Variants in RLN2 observed in about 807,000 individuals in gnomAD.
The protein encoded by RLN2 is relaxin 2, also known as prorelaxin H2.
In RLN2, 10 loss-of-function variants were observed where a neutral mutation model predicts 7.3. That is an observed-to-expected ratio of 1.36 (90% CI 0.84 to 2.31). The LOEUF (loss-of-function observed/expected upper bound fraction) is 2.31. Ranked by LOEUF, RLN2 falls within the 30% of genes most tolerant of loss-of-function variation. The probability of loss-of-function intolerance (pLI) is 0.00; values close to 1 mark genes in which losing one functional copy is unlikely to be tolerated. For synonymous variants in RLN2, 103 were observed against 82.3 expected (o/e 1.25, Z -1.36); for missense variants, 298 against 217.6 (o/e 1.37, Z -2.32).
At chr9:5,311,665 CG>C in the RLN2 span, 2 of 1,344,984 alleles carry the variant, frequency 1.5e-6, no homozygotes, top group East Asian at 2.3e-5. Flanking sequence ...AAAATGGAGA[CG>C]CCAAAACAGA....
intron 1 of RLN2, among the ~76,000 whole-genome samples, chr9:5,300,875 C>G (rs187567483): frequency 6.6e-6 from 1 of 152,174 alleles, no homozygotes; most frequent in East Asian, 1.9e-4. Context: ...AATAGTAACC[C>G]TTGAAAAAGA....
chr9:5,318,332 A>G, the RLN2 span, among the ~76,000 whole-genome samples: 4 of 151,986 alleles, frequency 2.6e-5, no homozygotes, highest in Non-Finnish European at 5.9e-5. Context: ...TGGTTGGAAA[A>G]ATGAACATCT....
the RLN2 span, among the ~76,000 whole-genome samples, chr9:5,332,863 TGCCTCG>T: frequency 6.6e-6 from 1 of 151,906 alleles, no homozygotes; most frequent in Non-Finnish European, 1.5e-5. Flanking sequence ...GTGATCCACC[TGCCTCG>T]GCCTCCCAAA....
At chr9:5,309,213 T>C (rs969748608), upstream of RLN2, among the ~76,000 whole-genome samples, 1 of 152,084 alleles carries the variant, frequency 6.6e-6, no homozygotes, top group South Asian at 2.1e-4. Flanking sequence ...CAGTTCAGAC[T>C]GTATATAATG....
At chr9:5,336,771 G>C in the RLN2 span, among the ~76,000 whole-genome samples, 20 of 152,008 alleles carry the variant, frequency 1.3e-4, no homozygotes, top group African/African-American at 4.6e-4. Flanking sequence ...CATTACTCTT[G>C]AAATAATGAA....
the RLN2 span, among the ~76,000 whole-genome samples, chr9:5,317,882 A>C: frequency 6.6e-6 from 1 of 152,000 alleles, no homozygotes; most frequent in Non-Finnish European, 1.5e-5. Flanking sequence ...TTTTCAACTT[A>C]ATACACTGTT....
At chr9:5,322,115 T>A in the RLN2 span, among the ~76,000 whole-genome samples, 11 of 151,972 alleles carry the variant, frequency 7.2e-5, no homozygotes, top group East Asian at 2.1e-3. Flanking sequence ...GCAGGTAGAT[T>A]AGGATATCAG....
At chr9:5,326,448 C>T in the RLN2 span, among the ~76,000 whole-genome samples, 2 of 152,094 alleles carry the variant, frequency 1.3e-5, no homozygotes, top group African/African-American at 4.8e-5. Context: ...AACTCACTGT[C>T]TCCCCACCCT....
chr9:5,335,705 T>C, the RLN2 span: 2 of 684,106 alleles, frequency 2.9e-6, no homozygotes, highest in Non-Finnish European at 4.9e-6. Context: ...ATTGCCTCAA[T>C]ATAAATTAAA....
At chr9:5,337,504 A>T in the RLN2 span, among the ~76,000 whole-genome samples, 1 of 152,062 alleles carries the variant, frequency 6.6e-6, no homozygotes, top group Non-Finnish European at 1.5e-5. Flanking sequence ...TCTGGTTTAA[A>T]GCGGATCTTA....
the RLN2 span, among the ~76,000 whole-genome samples, chr9:5,334,387 C>G: frequency 1.3e-5 from 2 of 151,964 alleles, no homozygotes; most frequent in African/African-American, 4.8e-5. Flanking sequence ...AACTGTATTT[C>G]TTCTATAAAT....
chr9:5,312,195 G>T, the RLN2 span, among the ~76,000 whole-genome samples: 1 of 152,076 alleles, frequency 6.6e-6, no homozygotes, highest in South Asian at 2.1e-4. Flanking sequence ...GACACACATG[G>T]CCACCTTGGC....
chr9:5,313,182 T>C, the RLN2 span, among the ~76,000 whole-genome samples: 1 of 152,090 alleles, frequency 6.6e-6, no homozygotes, highest in African/African-American at 2.4e-5. Context: ...ACTGAAGTCT[T>C]CTGCTATTAT....
chr9:5,326,613 G>T, the RLN2 span, among the ~76,000 whole-genome samples: 1 of 152,020 alleles, frequency 6.6e-6, no homozygotes, highest in Non-Finnish European at 1.5e-5. Flanking sequence ...GACAAGGGGG[G>T]AGGGCATCAA....
chr9:5,316,454 C>A, the RLN2 span, among the ~76,000 whole-genome samples: 1 of 151,946 alleles, frequency 6.6e-6, no homozygotes, highest in African/African-American at 2.4e-5. Flanking sequence ...CCCTCACCCC[C>A]TGAAAGGCCC....
chr9:5,333,265 C>T, the RLN2 span, among the ~76,000 whole-genome samples: 1 of 151,868 alleles, frequency 6.6e-6, no homozygotes, highest in South Asian at 2.1e-4. Context: ...TCATAGGTTC[C>T]GCCTCATCCT....
the RLN2 span, chr9:5,335,591 A>G: frequency 6.3e-7 from 1 of 1,595,840 alleles, no homozygotes; most frequent in Non-Finnish European, 8.6e-7. Context: ...GAAGGATGGT[A>G]CAATTTCTGT....
the RLN2 span, among the ~76,000 whole-genome samples, chr9:5,321,530 G>A: frequency 2.0e-5 from 3 of 151,932 alleles, no homozygotes; most frequent in South Asian, 6.3e-4. Context: ...ACAATTCTGT[G>A]TCCCAATCAC....
chr9:5,317,350 G>C, the RLN2 span, among the ~76,000 whole-genome samples: 1 of 151,510 alleles, frequency 6.6e-6, no homozygotes, highest in South Asian at 2.1e-4. Context: ...ACCCTGGGAG[G>C]CTGAAACAGG....
Sources: allele counts gnomAD v4.1 joint callset (sites outside exome capture counted in the v4.1 genomes callset), GRCh38; gene constraint gnomAD v4.1.1; transcripts MANE v1.5; gene names NCBI Gene and HGNC (gene_info 2026-07-23, HGNC 2026-07-21).